Variants in USP39 observed in about 807,000 individuals in gnomAD.
The protein encoded by USP39 is ubiquitin specific peptidase 39.
USP39 carries 38 observed loss-of-function variants against 66.4 expected under a neutral mutation model. That is an observed-to-expected ratio of 0.57 (90% CI 0.44 to 0.75). The LOEUF is 0.75. USP39 is among the 30% of genes least tolerant of loss of function. The pLI is 0.00. For synonymous variants in USP39, 303 were observed against 274.6 expected (o/e 1.10, Z -1.02); for missense variants, 608 against 714.4 (o/e 0.85, Z 1.70).
chr2:85,611,678 C>A, upstream of USP39: 2 of 1,564,690 alleles, frequency 1.3e-6, no homozygotes, highest in East Asian at 2.4e-5. Flanking sequence ...CTCGGTGTCG[C>A]GGCAGGTACA....
At chr2:85,620,203 G>C (rs1012423331) in intron 2 of USP39, among the ~76,000 whole-genome samples, 1 of 151,850 alleles carries the variant, frequency 6.6e-6, no homozygotes, top group East Asian at 1.9e-4. Context: ...AGTTATGGCC[G>C]GGTGCTCTGG....
chr2:85,609,743 G>A (rs1215279386), upstream of USP39, among the ~76,000 whole-genome samples: 2 of 151,168 alleles, frequency 1.3e-5, no homozygotes, highest in Admixed American at 6.6e-5. Context: ...GTGCAGTGGT[G>A]CAATCTCGGC....
intron 4 of USP39, 128 bp downstream of exon 4, chr2:85,623,910 C>G (rs568948822): frequency 5.7e-5 from 63 of 1,109,434 alleles, no homozygotes; most frequent in Middle Eastern, 3.1e-4. Flanking sequence ...GCTGCTTTCT[C>G]TTTTGGGAAG....
intron 8 of USP39, among the ~76,000 whole-genome samples, chr2:85,638,524 TTTAATTAA>T (rs59485830): frequency 6.8e-6 from 1 of 147,078 alleles, no homozygotes; most frequent in African/African-American, 2.7e-5. Context: ...TTTTGTTTAA[TTTAATTAA>T]TTAATTAATT....
intron 3 of USP39, among the ~76,000 whole-genome samples, chr2:85,622,297 T>A (rs1674524328): frequency 6.6e-6 from 1 of 151,074 alleles, no homozygotes; most frequent in Non-Finnish European, 1.5e-5. Flanking sequence ...AATTTTAGTA[T>A]TTTTTAGTAG....
intron 10 of USP39, among the ~76,000 whole-genome samples, chr2:85,643,709 G>A (rs377395913): frequency 1.5e-4 from 22 of 149,188 alleles, no homozygotes; most frequent in Admixed American, 8.7e-4. Context: ...GTGCGGTGGC[G>A]TTATCTCGGC....
At chr2:85,609,450 T>C (rs1229928865), upstream of USP39, 19 of 1,614,180 alleles carry the variant, frequency 1.2e-5, no homozygotes, top group Non-Finnish European at 1.5e-5. Context: ...AGACGATAAC[T>C]GATGTGACCT....
upstream of USP39, among the ~76,000 whole-genome samples, chr2:85,614,363 A>C (rs946465266): frequency 6.6e-6 from 1 of 152,054 alleles, no homozygotes; most frequent in African/African-American, 2.4e-5. Flanking sequence ...AAAATACAAA[A>C]ATTAGCCGGG....
At chr2:85,637,718 C>T (rs976433041) in intron 8 of USP39, among the ~76,000 whole-genome samples, 7 of 152,094 alleles carry the variant, frequency 4.6e-5, no homozygotes, top group Admixed American at 6.6e-5. Context: ...TTTTGTTTTT[C>T]TTAGTCTCCC....
At chr2:85,628,603 T>G (rs1235205622) in intron 5 of USP39, among the ~76,000 whole-genome samples, 1 of 152,158 alleles carries the variant, frequency 6.6e-6, no homozygotes, top group Non-Finnish European at 1.5e-5. Flanking sequence ...AAAATAGGGT[T>G]GACTGGACCA....
chr2:85,643,640 CAT>C (rs1249384605), intron 10 of USP39, among the ~76,000 whole-genome samples: 105 of 139,976 alleles, frequency 7.5e-4, no homozygotes, highest in African/African-American at 3.0e-3. Context: ...ACTCAGGACT[CAT>C]ATCTCCTTTT....
upstream of USP39, chr2:85,611,581 G>A (rs1673530061): frequency 6.4e-7 from 1 of 1,551,554 alleles, no homozygotes. Flanking sequence ...AACCTTAGGA[G>A]TAAGAAGTGG....
chr2:85,644,862 A>G (rs1403945050), intron 10 of USP39, 86 bp from the exon 11 acceptor site: 4 of 1,558,980 alleles, frequency 2.6e-6, no homozygotes, highest in Non-Finnish European at 3.5e-6. Flanking sequence ...AGGGCTGAAC[A>G]ATTTTGTGGT....
chr2:85,636,264 T>C (rs1240170019), intron 7 of USP39, 134 bp downstream of exon 7: 5 of 795,340 alleles, frequency 6.3e-6, no homozygotes, highest in Non-Finnish European at 1.0e-5. Context: ...GGTCAGGAGT[T>C]TGAGACCGGC....
At chr2:85,639,493 C>T (rs762016196) in intron 9 of USP39, 102 bp downstream of exon 9, 172 of 1,284,386 alleles carry the variant, frequency 1.3e-4, no homozygotes, top group Middle Eastern at 5.1e-4. Context: ...TTGCTCTTGT[C>T]GCCCAGGCTG....
At chr2:85,628,862 GCT>G (rs10598872) in intron 5 of USP39, among the ~76,000 whole-genome samples, 2,552 of 152,202 alleles carry the variant, frequency 0.017, 47 homozygotes, top group African/African-American at 0.043. Flanking sequence ...TGGTTAAAGT[GCT>G]CTCTGTGTTC....
At chr2:85,622,582 G>A (rs961170908) in intron 3 of USP39, among the ~76,000 whole-genome samples, 2 of 147,084 alleles carry the variant, frequency 1.4e-5, no homozygotes, top group African/African-American at 2.5e-5. Context: ...TTATTTTTTT[G>A]TGGAGACAAG....
At chr2:85,604,730 G>T (rs895753572) in intron 1 of USP39, among the ~76,000 whole-genome samples, 1 of 152,208 alleles carries the variant, frequency 6.6e-6, no homozygotes, top group East Asian at 1.9e-4. Flanking sequence ...CATTCCCACT[G>T]CGTAGGCACC....
In USP39 at chr2:85,630,855, C is replaced by T. The variant is rs1293448256; in HGVS notation, c.858C>T (p.Asn286=). Residue 286 remains asparagine, a synonymous_variant, in exon 6 of 13, where the codon AAC becomes AAT. Transcript: ENST00000323701. ...GAGAGCTGATGAGAAAGCTCTGGAA[C>T]CCTCGAAATTTCAAGGCACATGTGT... ...RFGELMRKLW[N]PRNFKAHVSP... The T allele has an allele frequency of 6.2e-7, 1 of 1,614,036 alleles. No individual in the cohort carries two copies. The highest frequency in any genetic ancestry group is 8.5e-7 in the Non-Finnish European group (1 of 1,180,044).
Sources: gnomAD v4.1 joint callset for allele counts (sites outside exome capture counted in the v4.1 genomes callset) on GRCh38, gnomAD v4.1.1 for gene constraint, MANE v1.5 for transcripts, NCBI Gene and HGNC (gene_info 2026-07-23, HGNC 2026-07-21) for gene names.